Variants in RBFOX1 observed in about 807,000 individuals in gnomAD.
RBFOX1 encodes RNA binding fox-1 homolog 1.
In RBFOX1, 8 loss-of-function variants were observed where a neutral mutation model predicts 57.7. The observed-to-expected ratio is 0.14, with a 90% CI of 0.08 to 0.25. RBFOX1 has a LOEUF of 0.25. RBFOX1 is among the 10% of genes least tolerant of loss of function. The probability of loss-of-function intolerance (pLI) is 1.00; values close to 1 mark genes in which losing one functional copy is unlikely to be tolerated. For synonymous variants in RBFOX1, 326 were observed against 222.4 expected (o/e 1.47, Z -4.15); for missense variants, 611 against 548.5 (o/e 1.11, Z -1.14).
At chr16:6,735,329 A>T (rs2069875277) in intron 3 of RBFOX1, among the ~76,000 whole-genome samples, 1 of 152,202 alleles carries the variant, frequency 6.6e-6, no homozygotes, top group African/African-American at 2.4e-5. Flanking sequence ...CTTAAACTCT[A>T]AACCTGGTTA....
chr16:7,555,655 C>A (rs1476714740), intron 5 of RBFOX1, among the ~76,000 whole-genome samples: 1 of 152,156 alleles, frequency 6.6e-6, no homozygotes, highest in Non-Finnish European at 1.5e-5. Context: ...ACGTTCTGTA[C>A]CAGCCTCACG....
rs1340879225 is a variant in RBFOX1, at chr16:7,556,169, T to G, written c.271-23608T>G. Among the ~76,000 whole-genome samples the G allele has an allele frequency of 3.9e-5, 6 of 152,336 alleles. No homozygotes were observed. The East Asian group carries it at 1.2e-3, about 29-fold the overall frequency. The stretch of plus-strand genomic sequence containing the variant: ...ATGATAGCTTAAAATTTGAGTATCA[T>G]GACCACCATTTATAAGGCCCTGAGA... On this transcript the variant is annotated intron_variant, in intron 5 of 15. Coordinates refer to ENST00000550418, the MANE Select transcript of RBFOX1 (RefSeq NM_018723.4).
chr16:7,503,448 A>ATATC (rs1479777354), intron 4 of RBFOX1, among the ~76,000 whole-genome samples: 1 of 152,194 alleles, frequency 6.6e-6, no homozygotes, highest in Admixed American at 6.5e-5. Context: ...ATCTCAAATT[A>ATATC]TATCTGTAGG....
chr16:6,836,734 C>A (rs2093126781), intron 3 of RBFOX1, among the ~76,000 whole-genome samples: 1 of 152,108 alleles, frequency 6.6e-6, no homozygotes, highest in African/African-American at 2.4e-5. Flanking sequence ...TAGTTCTTTG[C>A]ATTTATTTTC....
chr16:6,107,720 TGTGGGTGG>T (rs145408046), intron 1 of RBFOX1, among the ~76,000 whole-genome samples: 6 of 79,372 alleles, frequency 7.6e-5, no homozygotes, highest in African/African-American at 3.0e-4. Context: ...TGGATGGATT[TGTGGGTGG>T]GTGGGTGGGT....
At chr16:6,015,850 A>G (rs891426457), upstream of RBFOX1, among the ~76,000 whole-genome samples, 5 of 152,184 alleles carry the variant, frequency 3.3e-5, no homozygotes, top group Admixed American at 2.0e-4. Context: ...GCAATCACTC[A>G]TTTATGTGTC....
intron 4 of RBFOX1, among the ~76,000 whole-genome samples, chr16:7,495,174 T>C (rs989656135): frequency 9.8e-5 from 15 of 152,328 alleles, no homozygotes; most frequent in African/African-American, 3.6e-4. Flanking sequence ...CTGCATAGTA[T>C]TCCATGGTGT....
At chr16:6,516,382 A>G (rs1215534505) in intron 2 of RBFOX1, among the ~76,000 whole-genome samples, 2 of 152,218 alleles carry the variant, frequency 1.3e-5, no homozygotes, top group Non-Finnish European at 2.9e-5. Flanking sequence ...CTTCAAACCC[A>G]TATCACATAG....
intron 2 of RBFOX1, among the ~76,000 whole-genome samples, chr16:6,425,461 T>G (rs958567531): frequency 6.6e-6 from 1 of 152,214 alleles, no homozygotes. Flanking sequence ...TCTCACCATT[T>G]CTGTGGGCTT....
chr16:5,299,052 C>T (rs1177431060), intron 1 of RBFOX1, among the ~76,000 whole-genome samples: 2 of 147,078 alleles, frequency 1.4e-5, no homozygotes, highest in Non-Finnish European at 3.0e-5. Context: ...TTTCTATGGC[C>T]CTGGAAAATT....
intron 2 of RBFOX1, among the ~76,000 whole-genome samples, chr16:6,542,736 C>A (rs1380760505): frequency 2.0e-5 from 3 of 149,858 alleles, no homozygotes; most frequent in African/African-American, 4.9e-5. Context: ...TCGTGATCTG[C>A]CTGCCTCGGC....
chr16:6,960,005 A>C lies in RBFOX1; in HGVS notation c.-15-92052A>C, dbSNP rs769423400. Among the ~76,000 whole-genome samples, 6 of 151,814 alleles carry C rather than the reference A, an allele frequency of 4.0e-5. No homozygotes were observed. The East Asian group carries it at 7.7e-4, about 20-fold the overall frequency. ...AAACAAAGGCTGAAATGTAACAAAA[A>C]CCCCCCAAGAGTTTTGCCTAGGCCT... On this transcript the variant is annotated intron_variant, in intron 3 of 15. Coordinates refer to ENST00000550418, the MANE Select transcript of RBFOX1 (RefSeq NM_018723.4).
At chr16:5,241,467 C>G (rs545420330) in intron 1 of RBFOX1, among the ~76,000 whole-genome samples, 2 of 152,342 alleles carry the variant, frequency 1.3e-5, no homozygotes, top group East Asian at 3.9e-4. Flanking sequence ...GACCAGGATA[C>G]TAGAATGCAG....
intron 10 of RBFOX1, among the ~76,000 whole-genome samples, chr16:7,621,958 C>G (rs903209742): frequency 1.3e-5 from 2 of 152,208 alleles, no homozygotes; most frequent in Non-Finnish European, 2.9e-5. Context: ...TGAAACTTTA[C>G]TTATTAGATA....
chr16:7,202,466 C>G (rs118052023), intron 4 of RBFOX1, among the ~76,000 whole-genome samples: 3 of 152,206 alleles, frequency 2.0e-5, no homozygotes, highest in South Asian at 4.2e-4. Context: ...TCCAACAATT[C>G]TTATTCTGGA....
intron 1 of RBFOX1, among the ~76,000 whole-genome samples, chr16:6,163,539 G>C (rs1018172015): frequency 6.6e-6 from 1 of 152,094 alleles, no homozygotes; most frequent in Non-Finnish European, 1.5e-5. Flanking sequence ...CCTGATTTTG[G>C]ATGTTAATTT....
chr16:7,414,684 C>G (rs534339941), intron 4 of RBFOX1, among the ~76,000 whole-genome samples: 87 of 152,144 alleles, frequency 5.7e-4, no homozygotes, highest in Non-Finnish European at 9.8e-4. Flanking sequence ...GTGATGCGAT[C>G]TCAGTTCACT....
Position 6,922,284 on chromosome 16 carries a change from T to C in RBFOX1, c.-15-129773T>C, listed in dbSNP as rs574570477. 3.3e-5 allele frequency among the ~76,000 whole-genome samples: 5 copies of C among 152,226 alleles called. No homozygotes were observed. The South Asian group carries it at 1.0e-3, about 32-fold the overall frequency. On this transcript the variant is annotated intron_variant, in intron 3 of 15. Transcript: ENST00000550418. ...CTACATTGATATAAACTGTAACTTA[T>C]TCAGATATTGGAAAGCACTGGTTTT...
intron 1 of RBFOX1, among the ~76,000 whole-genome samples, chr16:6,164,516 G>C (rs899654922): frequency 6.7e-6 from 1 of 148,362 alleles, no homozygotes; most frequent in East Asian, 2.0e-4. Flanking sequence ...GCCCAGGATG[G>C]AGTGCAGTGG....
Sources: gnomAD v4.1 joint callset for allele counts (sites outside exome capture counted in the v4.1 genomes callset) on GRCh38, gnomAD v4.1.1 for gene constraint, MANE v1.5 for transcripts, NCBI Gene and HGNC (gene_info 2026-07-23, HGNC 2026-07-21) for gene names.